TMEM214: variants seen among roughly 807,000 people sequenced by gnomAD.
The protein encoded by TMEM214 is transmembrane protein 214.
A neutral mutation model predicts 89.8 loss-of-function variants in TMEM214; 71 were observed. That is an observed-to-expected ratio of 0.79 (90% CI 0.65 to 0.96). The LOEUF (loss-of-function observed/expected upper bound fraction) is 0.96. Among genes scored for constraint, TMEM214 ranks in the 40% least tolerant of loss-of-function variants. The pLI, the probability that TMEM214 is intolerant of heterozygous loss-of-function variation, is 0.00. For synonymous variants in TMEM214, 332 were observed against 349.5 expected (o/e 0.95, Z 0.56); for missense variants, 754 against 843.4 (o/e 0.89, Z 1.31).
chr2:27,033,418 G>A (rs1409853156), intron 1 of TMEM214, among the ~76,000 whole-genome samples: 1 of 152,188 alleles, frequency 6.6e-6, no homozygotes, highest in South Asian at 2.1e-4. Context: ...CTAGGATTCC[G>A]GTCCTCAGAC....
In TMEM214 at chr2:27,035,996, T is replaced by C; in HGVS notation, c.664T>C (p.Cys222Arg). The C allele has an allele frequency of 6.2e-7, 1 of 1,614,170 alleles. No homozygotes were observed. The highest frequency in any genetic ancestry group is 8.5e-7 in the Non-Finnish European group (1 of 1,180,036). ...GGAGTCACTACATGGTTACCGCATCTGTATCCAGGCCATCCTGCAAGACAA... is the reference window on the plus strand; with the variant it reads ...GGAGTCACTACATGGTTACCGCATCCGTATCCAGGCCATCCTGCAAGACAA... ...PGESLHGYRI[C>R]IQAILQDKPK... is the part of the protein sequence containing the mutation. The change falls in exon 5 of 17, where the codon TGT becomes CGT. Residue 222 changes from cysteine (C) to arginine (R), a missense_variant. Physicochemically the swap from Cys to Arg is radical, Grantham distance 180. Transcript: ENST00000238788.
chr2:27,037,086 C>G lies in TMEM214; in HGVS notation c.918C>G (p.Pro306=), dbSNP rs200773377. The G allele has an allele frequency of 8.7e-6, 14 of 1,614,070 alleles. No individual in the cohort carries two copies. The highest frequency in any genetic ancestry group is 1.7e-4 in the Middle Eastern group (1 of 6,060). Residue 306 remains proline, a synonymous_variant, in exon 8 of 17, where the codon CCC becomes CCG. Transcript: ENST00000238788. ...TYLDRLLLMH[P]NLTKGFGMIG... ...TTCTTCATCCCCACAGGATGCATCC[C>G]AACCTTACCAAGGGCTTCGGCATGA...
At position 27,041,235 on chromosome 2, in the gene TMEM214, C is replaced by A. The variant is rs376216746; in HGVS notation, c.*398C>A. On this transcript the variant is annotated 3_prime_UTR_variant, in exon 17 of 17. Coordinates refer to ENST00000238788, the MANE Select transcript of TMEM214 (RefSeq NM_017727.5). ...GTGTTCTTCTGACAAATGATTCCTG[C>A]TTCTCCAGACTTTAGCAGCCTCCTG... 40 of 182,928 alleles carry A rather than the reference C, an allele frequency of 2.2e-4. No homozygotes were observed. Among genetic ancestry groups the A allele is most frequent in the Non-Finnish European group, 3.4e-4 (29 of 84,540 alleles). The allele number at this position is 182,928 out of a possible 1,614,324, so 11.3% of individuals were successfully genotyped here.
At chr2:27,039,423 G>A in intron 13 of TMEM214, 1 of 590,488 alleles carries the variant, frequency 1.7e-6, no homozygotes, top group Admixed American at 3.0e-5. Context: ...TAACTCCTGA[G>A]GAAATGGTCT....
Position 27,038,555 on chromosome 2 carries a change from C to T in TMEM214, c.1293+23C>T. ...AAGGTGAGGAGCTGGGAGGACGTGG[C>T]AGGTTGAGCCCTGTCTGGATTCTAG... On this transcript the variant is annotated intron_variant, in intron 11 of 16. Transcript: ENST00000238788. The surrounding 1 kb of genome is among the most constrained non-coding windows in gnomAD (Gnocchi z 4.4). The T allele has an allele frequency of 6.2e-7, 1 of 1,613,800 alleles. No homozygotes were observed. Among genetic ancestry groups the T allele is most frequent in the Non-Finnish European group, 8.5e-7 (1 of 1,179,882 alleles).
In TMEM214 at chr2:27,036,419, C is replaced by G. The variant is rs1209517712; in HGVS notation, c.721-68C>G. ...CTTCCAGTTGACATCTCCCTTCCCT[C>G]CTGGCTTTGGGGGGTGCTCCTGGTG... is the stretch of plus-strand genomic sequence containing the variant. On this transcript the variant is annotated intron_variant, in intron 5 of 16. Transcript: ENST00000238788. 4.5e-6 allele frequency: 6 copies of G among 1,328,056 alleles called. No individual in the cohort carries two copies. In the East Asian group the frequency reaches 1.2e-4, roughly 26 times the overall value. 82.3% of individuals were successfully genotyped at this position (1,328,056 alleles called of 1,614,324 possible).
rs746640604 is a variant in TMEM214, at chr2:27,036,695, AC to A, written c.827-6del. 26 of 1,613,936 alleles carry A rather than the reference AC, an allele frequency of 1.6e-5. No homozygotes were observed. The South Asian group carries it at 2.4e-4, about 15-fold the overall frequency. Reference sequence around the variant, plus strand: ...GCCTGAGGCCTCCCTCGTGACTTTTACCCCTGCAGTGTGGCTGGGGATCATG... The same window carrying A: ...GCCTGAGGCCTCCCTCGTGACTTTTACCCTGCAGTGTGGCTGGGGATCATG... On this transcript the variant is annotated splice_polypyrimidine_tract_variant and intron_variant, in intron 6 of 16. Coordinates refer to ENST00000238788, the MANE Select transcript of TMEM214 (RefSeq NM_017727.5).
At position 27,040,842 on chromosome 2, in the gene TMEM214, T is replaced by A. The variant is rs761336413; in HGVS notation, c.*5T>A. On this transcript the variant is annotated 3_prime_UTR_variant, in exon 17 of 17. Transcript: ENST00000238788. ...GCCCTGATATCCCAGCAGTAGGCCC[T>A]GCCTTCCTGGCCACTGATTTCTGCA... 2 of 1,612,022 alleles carry A rather than the reference T, an allele frequency of 1.2e-6. No homozygotes were observed. The highest frequency in any genetic ancestry group is 2.2e-5 in the South Asian group (2 of 91,050).
intron 9 of TMEM214, 133 bp downstream of exon 9, chr2:27,037,835 GCCC>G: frequency 6.3e-7 from 1 of 1,584,192 alleles, no homozygotes; most frequent in Non-Finnish European, 8.6e-7. Flanking sequence ...ACAGCTGCCT[GCCC>G]CGCTCACTCG....
chr2:27,033,182 G>T lies in TMEM214; in HGVS notation c.151+16G>T. The T allele has an allele frequency of 8.0e-7, 1 of 1,246,082 alleles. No homozygotes were observed. The highest frequency in any genetic ancestry group is 1.0e-6 in the Non-Finnish European group (1 of 986,800). The allele number at this position is 1,246,082 out of a possible 1,614,324, so 77.2% of individuals were successfully genotyped here. A position where few individuals can be genotyped will look rare whatever the true frequency, so the allele number is the denominator to read the frequency against. On this transcript the variant is annotated intron_variant, in intron 1 of 16. Coordinates refer to ENST00000238788, the MANE Select transcript of TMEM214 (RefSeq NM_017727.5). ...GACCTGACCCGTGAGTACCCGCCCT[G>T]CCCCGCCGCCTACCCCAGGCCTGTC... is the stretch of plus-strand genomic sequence containing the variant.
intron 5 of TMEM214, 84 bp downstream of exon 5, chr2:27,036,136 G>T: frequency 7.7e-7 from 1 of 1,298,072 alleles, no homozygotes; most frequent in East Asian, 2.4e-5. Context: ...CTCAGGTTTG[G>T]GATAGTGGAA....
chr2:27,036,375 T>C, intron 5 of TMEM214, 112 bp from the exon 6 acceptor site: 1 of 944,504 alleles, frequency 1.1e-6, no homozygotes, highest in Non-Finnish European at 1.7e-6. Flanking sequence ...GCTCCACTCT[T>C]GCTCGGCCTG....
Position 27,038,436 on chromosome 2 carries a change from G to A in TMEM214, c.1245-48G>A. ...GGGCTAATGGAGGACAGGAGGATGG[G>A]TGAGGCTGCGCGAGCCACCTGACTA... On this transcript the variant is annotated intron_variant, in intron 10 of 16. Coordinates refer to ENST00000238788, the MANE Select transcript of TMEM214 (RefSeq NM_017727.5). This position sits in a 1 kb window ranked among gnomAD's most constrained non-coding sequence, Gnocchi z 4.4. 1 of 1,611,034 alleles carries A rather than the reference G, an allele frequency of 6.2e-7. No individual in the cohort carries two copies. The highest frequency in any genetic ancestry group is 8.5e-7 in the Non-Finnish European group (1 of 1,178,252).
intron 3 of TMEM214, 65 bp downstream of exon 3, chr2:27,035,350 A>G: frequency 1.3e-6 from 2 of 1,597,638 alleles, no homozygotes; most frequent in Non-Finnish European, 8.6e-7. Context: ...GTGGTATAAC[A>G]GATCCCAGTG....
Position 27,038,917 on chromosome 2 carries a change from G to A in TMEM214, c.1407+102G>A. The stretch of plus-strand genomic sequence containing the variant: ...CACATTCCTGCCCCACCTGTCTGGA[G>A]CCCCCCGCTGCCTCCAGGATAATGT... On this transcript the variant is annotated intron_variant, in intron 12 of 16. Transcript: ENST00000238788. The surrounding 1 kb of genome is among the most constrained non-coding windows in gnomAD (Gnocchi z 4.4). 2 of 1,401,512 alleles carry A rather than the reference G, an allele frequency of 1.4e-6. No homozygotes were observed. The highest frequency in any genetic ancestry group is 2.0e-6 in the Non-Finnish European group (2 of 995,240). The allele number at this position is 1,401,512 out of a possible 1,614,324, so 86.8% of individuals were successfully genotyped here.
chr2:27,034,037 C>T, intron 1 of TMEM214, 30 bp from the exon 2 acceptor site: 1 of 1,612,480 alleles, frequency 6.2e-7, no homozygotes, highest in South Asian at 1.1e-5. Flanking sequence ...TCAAGGGTGG[C>T]CTGCCTTTCT....
In TMEM214 at chr2:27,037,668, C is replaced by T. The variant is rs1345025054; in HGVS notation, c.1118C>T (p.Ala373Val). The stretch of plus-strand genomic sequence containing the variant: ...TACTTCCCTTCTTTCCTGTCCAGAG[C>T]CACCCCTAGCTGTCCCCCTGAGATG... ...HTYFPSFLSR[A>V]TPSCPPEMKK... The change falls in exon 9 of 17, where the codon GCC becomes GTC. Residue 373 changes from alanine (A) to valine (V), a missense_variant. Ala to Val is a moderately conservative substitution (Grantham distance 64). Coordinates refer to ENST00000238788, the MANE Select transcript of TMEM214 (RefSeq NM_017727.5). The T allele has an allele frequency of 6.2e-7, 1 of 1,614,168 alleles. No individual in the cohort carries two copies. Among genetic ancestry groups the T allele is most frequent in the Non-Finnish European group, 8.5e-7 (1 of 1,180,016 alleles).
At chr2:27,033,842 C>T (rs1017032721) in intron 1 of TMEM214, among the ~76,000 whole-genome samples, 4 of 152,056 alleles carry the variant, frequency 2.6e-5, no homozygotes, top group African/African-American at 9.7e-5. Context: ...TAATGAAGAA[C>T]TGCCCCATCT....
At position 27,039,043 on chromosome 2, in the gene TMEM214, C is replaced by T. The variant is rs745743108; in HGVS notation, c.1408-4C>T. 1.2e-6 allele frequency: 2 copies of T among 1,613,238 alleles called. No individual in the cohort carries two copies. The highest frequency in any genetic ancestry group is 1.7e-6 in the Non-Finnish European group (2 of 1,179,970). On this transcript the variant is annotated splice_region_variant and splice_polypyrimidine_tract_variant and intron_variant, in intron 12 of 16. Transcript: ENST00000238788. ...ACAACTGTCTCCTGCTCCCCTCCCACCAGGGCCTGTTGCAGCAGGTTCAGG... is the reference window on the plus strand; with the variant it reads ...ACAACTGTCTCCTGCTCCCCTCCCATCAGGGCCTGTTGCAGCAGGTTCAGG...
Sources: allele counts gnomAD v4.1 joint callset (sites outside exome capture counted in the v4.1 genomes callset), GRCh38; gene constraint gnomAD v4.1.1; non-coding constraint Gnocchi (gnomAD v3.1); transcripts MANE v1.5; gene names NCBI Gene and HGNC (gene_info 2026-07-23, HGNC 2026-07-21).